The following KAT14 variants were observed in gnomAD, a reference collection of about 807,000 sequenced individuals.
KAT14 encodes lysine acetyltransferase 14.
A neutral mutation model predicts 78.4 loss-of-function variants in KAT14; 66 were observed. That is an observed-to-expected ratio of 0.84 (90% confidence interval 0.69 to 1.03). The LOEUF (loss-of-function observed/expected upper bound fraction) is 1.03. Among genes scored for constraint, KAT14 ranks in the 50% least tolerant of loss-of-function variants. KAT14 has a pLI of 0.00. For synonymous variants in KAT14, 344 were observed against 359.4 expected, an observed-to-expected ratio of 0.96 and a Z score of 0.48; for missense variants, 870 against 972.5, an observed-to-expected ratio of 0.89 and a Z score of 1.40.
chr20:18,173,221 T>TC (rs2038914009), intron 7 of KAT14, among the ~76,000 whole-genome samples: 1 of 152,176 alleles, frequency 6.6e-6, no homozygotes, highest in Non-Finnish European at 1.5e-5. Context: ...CTTCTGGAGG[T>TC]GAACCTTGTG....
At chr20:18,164,809 TAG>T (rs1375558762) in intron 7 of KAT14, among the ~76,000 whole-genome samples, 2 of 151,930 alleles carry the variant, frequency 1.3e-5, no homozygotes, top group Admixed American at 1.3e-4. Context: ...TTATTTTTAG[TAG>T]AGACAGGGTC....
chr20:18,152,348 G>A (rs1301428935), intron 4 of KAT14, among the ~76,000 whole-genome samples: 3 of 151,976 alleles, frequency 2.0e-5, no homozygotes, highest in South Asian at 2.1e-4. Context: ...AGGCCGAGGC[G>A]AGCAGATCAC....
At chr20:18,177,058 C>A (rs1278082378) in intron 7 of KAT14, among the ~76,000 whole-genome samples, 1 of 152,156 alleles carries the variant, frequency 6.6e-6, no homozygotes, top group Non-Finnish European at 1.5e-5. Flanking sequence ...TAGTTCAGTG[C>A]CTGGTGTTAC....
In KAT14 at chr20:18,150,954, T is replaced by C. The variant is rs1421147551; in HGVS notation, c.500+12T>C. ...TTACTAGGGAATAGGTAATGTGTTT[T>C]TAAAAAATCTTATACTTCAAGGAAT... On this transcript the variant is annotated intron_variant, in intron 4 of 10. Coordinates refer to ENST00000688188, the MANE Select transcript of KAT14 (RefSeq NM_001392073.1). The C allele has an allele frequency of 6.2e-6, 10 of 1,612,304 alleles. No individual in the cohort carries two copies. The highest frequency in any genetic ancestry group is 8.5e-6 in the Non-Finnish European group (10 of 1,178,722).
intron 7 of KAT14, among the ~76,000 whole-genome samples, chr20:18,165,159 C>T (rs1393748025): frequency 6.6e-6 from 1 of 152,140 alleles, no homozygotes; most frequent in Non-Finnish European, 1.5e-5. Flanking sequence ...CTTTGACTTA[C>T]AGTGTTAATT....
chr20:18,183,479 C>G, intron 9 of KAT14, 181 bp downstream of exon 9: 1 of 977,682 alleles, frequency 1.0e-6, no homozygotes, highest in Non-Finnish European at 1.2e-6. Context: ...CTAGAAGAAG[C>G]CAGCAATAAA....
At chr20:18,158,447 G>A (rs566662851) in intron 4 of KAT14, among the ~76,000 whole-genome samples, 2 of 152,254 alleles carry the variant, frequency 1.3e-5, no homozygotes, top group African/African-American at 4.8e-5. Context: ...TAGAACAGTC[G>A]CCTTGAAAGA....
In KAT14 at chr20:18,187,839, T is replaced by C. The variant is rs1329318126; in HGVS notation, c.*380T>C. On this transcript the variant is annotated 3_prime_UTR_variant, in exon 11 of 11. Coordinates refer to ENST00000688188, the MANE Select transcript of KAT14 (RefSeq NM_001392073.1). Reference sequence around the variant, plus strand: ...GAAAATGTGGTGTAGCTATTAAAGATTCATGCAGTCCCAAAAGGCACTGTC... The same window carrying C: ...GAAAATGTGGTGTAGCTATTAAAGACTCATGCAGTCCCAAAAGGCACTGTC... The C allele has an allele frequency of 3.9e-6, 1 of 253,634 alleles. No individual in the cohort carries two copies. Among genetic ancestry groups the C allele is most frequent in the Non-Finnish European group, 7.5e-6 (1 of 133,052 alleles). 15.7% of individuals were successfully genotyped at this position (253,634 alleles called of 1,614,324 possible).
chr20:18,152,792 A>G (rs1179996119), intron 4 of KAT14, among the ~76,000 whole-genome samples: 2 of 152,228 alleles, frequency 1.3e-5, no homozygotes, highest in African/African-American at 2.4e-5. Context: ...AAGTCTGGGC[A>G]CATCTGCATG....
chr20:18,181,766 C>T lies in KAT14; in HGVS notation c.1725C>T (p.Arg575=). 2 of 1,614,164 alleles carry T rather than the reference C, an allele frequency of 1.2e-6. No individual in the cohort carries two copies. The highest frequency in any genetic ancestry group is 1.7e-6 in the Non-Finnish European group (2 of 1,180,022). Residue 575 remains arginine (R), a synonymous_variant, in exon 8 of 11, where the codon CGC becomes CGT. Transcript: ENST00000688188. ...FRHQTTKFLY[R]LVGSEDMAVD... is the part of the protein sequence containing the mutation. Reference sequence around the variant, plus strand: ...ACCAGACCACCAAGTTTTTGTATCGCTTGGTAGGATCAGAAGATATGGCTG... The same window carrying T: ...ACCAGACCACCAAGTTTTTGTATCGTTTGGTAGGATCAGAAGATATGGCTG...
chr20:18,171,594 G>A (rs759644156), intron 7 of KAT14, among the ~76,000 whole-genome samples: 5 of 152,082 alleles, frequency 3.3e-5, no homozygotes, highest in African/African-American at 4.8e-5. Flanking sequence ...GGCGGATCAC[G>A]TGAGGTCAGG....
At chr20:18,140,612 C>A (rs558185513) in intron 1 of KAT14, among the ~76,000 whole-genome samples, 5 of 151,768 alleles carry the variant, frequency 3.3e-5, no homozygotes, top group Admixed American at 3.3e-4. Flanking sequence ...GAGTTCGAGA[C>A]CAGCCTGGCC....
intron 7 of KAT14, among the ~76,000 whole-genome samples, chr20:18,164,610 T>C (rs1370692967): frequency 3.5e-4 from 1 of 2,868 alleles, no homozygotes; most frequent in African/African-American, 1.9e-3. Flanking sequence ...ATTCACTTGT[T>C]CTTGTTCTTT....
At chr20:18,180,585 A>AT (rs772588730) in intron 7 of KAT14, among the ~76,000 whole-genome samples, 37 of 152,326 alleles carry the variant, frequency 2.4e-4, no homozygotes, top group Non-Finnish European at 4.7e-4. Flanking sequence ...GTCTGTCTTC[A>AT]TGCTGCTGAT....
At chr20:18,174,167 T>C (rs762755656) in intron 7 of KAT14, among the ~76,000 whole-genome samples, 3 of 152,248 alleles carry the variant, frequency 2.0e-5, no homozygotes, top group Non-Finnish European at 4.4e-5. Context: ...TAAATATGGC[T>C]TAATATTCCA....
chr20:18,164,460 C>T (rs892813018), intron 7 of KAT14, among the ~76,000 whole-genome samples: 2 of 152,156 alleles, frequency 1.3e-5, no homozygotes, highest in African/African-American at 2.4e-5. Context: ...GGCTCTAAGC[C>T]TGATGCCTTA....
chr20:18,139,844 C>T (rs572591738), intron 1 of KAT14, among the ~76,000 whole-genome samples: 16 of 152,202 alleles, frequency 1.1e-4, no homozygotes, highest in South Asian at 4.1e-4. Flanking sequence ...ACATACCAGG[C>T]AGTGTATTAA....
At chr20:18,155,366 C>T (rs925465772) in intron 4 of KAT14, among the ~76,000 whole-genome samples, 1 of 151,712 alleles carries the variant, frequency 6.6e-6, no homozygotes, top group African/African-American at 2.4e-5. Flanking sequence ...TTGGTGCTAC[C>T]CATCCCCCTT....
At chr20:18,181,590 C>T (rs1379322718) in intron 7 of KAT14, 120 bp from the exon 8 acceptor site, 3 of 1,434,916 alleles carry the variant, frequency 2.1e-6, no homozygotes, top group Non-Finnish European at 2.8e-6. Flanking sequence ...AGGATGATCT[C>T]GATCTTGTGA....
Sources: allele counts gnomAD v4.1 joint callset (sites outside exome capture counted in the v4.1 genomes callset), GRCh38; gene constraint gnomAD v4.1.1; transcripts MANE v1.5; gene names NCBI Gene and HGNC (gene_info 2026-07-23, HGNC 2026-07-21).